The following ADGRA1 variants were observed in gnomAD, a reference collection of about 807,000 sequenced individuals.
ADGRA1 encodes G-protein coupled receptor 123.
In ADGRA1, 12 loss-of-function variants were observed where a neutral mutation model predicts 21.3. That is an observed-to-expected ratio of 0.56 (90% CI 0.36 to 0.91). The LOEUF (loss-of-function observed/expected upper bound fraction) is 0.91. Among genes scored for constraint, ADGRA1 ranks in the 40% least tolerant of loss-of-function variants. The pLI is 0.01. For missense variants in ADGRA1, 790 were observed against 805.6 expected (o/e 0.98, Z 0.23); for synonymous variants, 385 against 368.8 (o/e 1.04, Z -0.50).
intron 5 of ADGRA1, among the ~76,000 whole-genome samples, chr10:133,119,215 T>C (rs1852210693): frequency 6.6e-6 from 1 of 151,220 alleles, no homozygotes; most frequent in East Asian, 1.9e-4. Flanking sequence ...GCCATGACCA[T>C]GACCTGAGGT....
At chr10:133,119,717 C>T (rs7073319) in intron 5 of ADGRA1, among the ~76,000 whole-genome samples, 8,763 of 152,296 alleles carry the variant, frequency 0.058, 826 homozygotes, top group African/African-American at 0.19. Context: ...CAATTCAGTG[C>T]CATCTTCAGG....
intron 5 of ADGRA1, among the ~76,000 whole-genome samples, chr10:133,106,117 G>C (rs1342952789): frequency 2.6e-5 from 4 of 152,218 alleles, no homozygotes; most frequent in South Asian, 2.1e-4. Context: ...CCCTGGGTCT[G>C]TGGAGGGGCA....
At position 133,093,103 on chromosome 10, in the gene ADGRA1, G is replaced by A. The variant is rs747270671; in HGVS notation, c.4-3871G>A. On this transcript the variant is annotated intron_variant, in intron 2 of 6. Transcript: ENST00000392607. ...CAGTTGGAGCTGCAGACCTAGCCCC[G>A]GACACCTCACTGTGCAGGAAAGAAG... The A allele has an allele frequency of 1.3e-5, 20 of 1,596,978 alleles. 1 individual carries two copies. The East Asian group carries it at 2.2e-4, about 18-fold the overall frequency.
intron 4 of ADGRA1, among the ~76,000 whole-genome samples, chr10:133,101,109 C>A (rs1241387084): frequency 6.6e-6 from 1 of 152,214 alleles, no homozygotes; most frequent in East Asian, 1.9e-4. Context: ...CAGCCACTAC[C>A]GGCTGGAGGA....
chr10:133,099,674 G>A (rs1342489937), intron 4 of ADGRA1, among the ~76,000 whole-genome samples: 1 of 152,130 alleles, frequency 6.6e-6, no homozygotes, highest in Non-Finnish European at 1.5e-5. Context: ...CCAACAAGAG[G>A]ACCTGCCCGG....
At position 133,130,662 on chromosome 10, in the gene ADGRA1, AAACAC is replaced by A. The variant is rs1251457222; in HGVS notation, c.*1153_*1157del. 6.6e-6 allele frequency: 1 copy of A among 152,034 alleles called. No individual in the cohort carries two copies. Among genetic ancestry groups the A allele is most frequent in the Middle Eastern group, 3.2e-3 (1 of 316 alleles). 9.4% of individuals were successfully genotyped at this position (152,034 alleles called of 1,614,324 possible). ...CATGTGCACCCACACACACACACAC[AAACAC>A]ATGTGCATATCACACACATGCACAC... On this transcript the variant is annotated 3_prime_UTR_variant, in exon 7 of 7. Coordinates refer to ENST00000392607, the MANE Select transcript of ADGRA1 (RefSeq NM_001083909.3).
chr10:133,129,326 C>G lies in ADGRA1; in HGVS notation c.1498C>G (p.Pro500Ala). The stretch of plus-strand genomic sequence containing the variant: ...TGCCCTCTACAGCTGCCCCACGCAG[C>G]CGGGCAGGGAGGCAGCGCTCGGGCC... ...SPALYSCPTQ[P>A]GREAALGPGH... Residue 500 changes from proline to alanine, a missense_variant, in exon 7 of 7, where the codon CCG becomes GCG. By Grantham distance (27) the Pro-to-Ala change is conservative. Around this residue, in one of 3 missense-constraint regions of ADGRA1, gnomAD observed 391 missense variants for 351.5 expected, o/e 1.11. Coordinates refer to ENST00000392607, the MANE Select transcript of ADGRA1 (RefSeq NM_001083909.3). 1 of 1,565,682 alleles carries G rather than the reference C, an allele frequency of 6.4e-7. No individual in the cohort carries two copies. The highest frequency in any genetic ancestry group is 8.6e-7 in the Non-Finnish European group (1 of 1,156,726).
intron 3 of ADGRA1, among the ~76,000 whole-genome samples, chr10:133,097,432 T>TC (rs758322159): frequency 2.6e-5 from 4 of 151,996 alleles, no homozygotes; most frequent in Non-Finnish European, 5.9e-5. Context: ...GGAGCTCAGT[T>TC]CCCCCGGGCA....
chr10:133,096,134 G>A (rs1851684227), intron 2 of ADGRA1, among the ~76,000 whole-genome samples: 2 of 152,380 alleles, frequency 1.3e-5, no homozygotes, highest in Middle Eastern at 3.4e-3. Flanking sequence ...GAGGCTGGAA[G>A]CCTGAGACAG....
chr10:133,101,494 G>C (rs1160445657), intron 4 of ADGRA1, among the ~76,000 whole-genome samples: 1 of 152,204 alleles, frequency 6.6e-6, no homozygotes. Flanking sequence ...TCGGTGTCCA[G>C]GACTCAGAGC....
chr10:133,094,074 C>T (rs1019216854), intron 2 of ADGRA1, among the ~76,000 whole-genome samples: 3 of 152,282 alleles, frequency 2.0e-5, no homozygotes, highest in African/African-American at 7.2e-5. Context: ...CTCCAGCTCA[C>T]GCGGCAGCTC....
At chr10:133,103,025 T>G (rs1851826556) in intron 5 of ADGRA1, among the ~76,000 whole-genome samples, 183 bp downstream of exon 5, 1 of 138,736 alleles carries the variant, frequency 7.2e-6, no homozygotes, top group African/African-American at 2.7e-5. Context: ...GGTAGGGTGG[T>G]GTGCTGGAGG....
chr10:133,123,426 T>C (rs894487600), intron 5 of ADGRA1, among the ~76,000 whole-genome samples: 4 of 152,078 alleles, frequency 2.6e-5, no homozygotes, highest in African/African-American at 9.7e-5. Flanking sequence ...GCCTCGTGCT[T>C]CTAGGGATGG....
In ADGRA1 at chr10:133,110,255, G is replaced by A. The variant is rs148311140; in HGVS notation, c.401+7413G>A. 5.4e-3 allele frequency among the ~76,000 whole-genome samples: 828 copies of A among 152,388 alleles called. 7 individuals carry two copies. The highest frequency in any genetic ancestry group is 0.019 in the African/African-American group (770 of 41,594). ...GCCCCGCACTTCTGCCCAGGAGGCC[G>A]CTCAGGCTCAAGCTCCGCATTCTTG... is the stretch of plus-strand genomic sequence containing the variant. On this transcript the variant is annotated intron_variant, in intron 5 of 6. Transcript: ENST00000392607.
At chr10:133,117,131 C>T (rs12263814) in intron 5 of ADGRA1, among the ~76,000 whole-genome samples, 28,806 of 151,986 alleles carry the variant, frequency 0.19, 2,869 homozygotes, top group Non-Finnish European at 0.22. Flanking sequence ...AGTATCAGAG[C>T]ACCCCGAGTG....
chr10:133,129,725 A>G lies in ADGRA1; in HGVS notation c.*214A>G, dbSNP rs1307318679. ...CACACCCCTGCCCCTTCCTTGTGAA[A>G]GACCTCAGCGGGGAAACGCTCCGGG... On this transcript the variant is annotated 3_prime_UTR_variant, in exon 7 of 7. Transcript: ENST00000392607. 6.7e-5 allele frequency: 25 copies of G among 372,702 alleles called. No homozygotes were observed. The highest frequency in any genetic ancestry group is 1.2e-4 in the Non-Finnish European group (24 of 205,054). 23.1% of individuals were successfully genotyped at this position (372,702 alleles called of 1,614,324 possible).
chr10:133,087,962 G>T lies in ADGRA1; in HGVS notation c.-379G>T, dbSNP rs1208699949. ...CGCTGCTGGCCGGGCTGGGCCGCTC[G>T]TGCGCGGGGCTGTGACTCACCGGCC... is the stretch of plus-strand genomic sequence containing the variant. On this transcript the variant is annotated 5_prime_UTR_variant, in exon 1 of 7. Transcript: ENST00000392607. 1.0e-6 allele frequency: 1 copy of T among 984,978 alleles called. No individual in the cohort carries two copies. The highest frequency in any genetic ancestry group is 1.2e-6 in the Non-Finnish European group (1 of 829,814). 61.0% of individuals were successfully genotyped at this position (984,978 alleles called of 1,614,324 possible). A position where few individuals can be genotyped will look rare whatever the true frequency, so the allele number is the denominator to read the frequency against.
At chr10:133,127,083 TCGGGGGTCGG>T in intron 5 of ADGRA1, 140 bp from the exon 6 acceptor site, 1 of 431,870 alleles carries the variant, frequency 2.3e-6, no homozygotes, top group Non-Finnish European at 4.0e-6. Flanking sequence ...TGGTCGGGGG[TCGGGGGTCGG>T]GGGTCGGGGT....
chr10:133,111,075 A>ATG (rs1591178466), intron 5 of ADGRA1, among the ~76,000 whole-genome samples: 1 of 149,372 alleles, frequency 6.7e-6, no homozygotes, highest in East Asian at 2.0e-4. Flanking sequence ...AATCCTGCCA[A>ATG]GCCACCTGCC....
Sources: gnomAD v4.1 joint callset for allele counts (sites outside exome capture counted in the v4.1 genomes callset) on GRCh38, gnomAD v4.1.1 for gene constraint, gnomAD v4.1.1 regional missense constraint, MANE v1.5 for transcripts, NCBI Gene and HGNC (gene_info 2026-07-23, HGNC 2026-07-21) for gene names.